Variants in INPP4A observed in about 807,000 individuals in gnomAD.
INPP4A encodes the protein inositol polyphosphate-4-phosphatase type I A, also known as inositol polyphosphate-4-phosphatase, type I, 107kD.
INPP4A carries 33 observed loss-of-function variants against 119.8 expected under a neutral mutation model. That is an observed-to-expected ratio of 0.28 (90% CI 0.21 to 0.37). The LOEUF (loss-of-function observed/expected upper bound fraction) is 0.37. INPP4A is among the 10% of genes least tolerant of loss of function. INPP4A has a pLI of 1.00. For synonymous variants in INPP4A, 496 were observed against 500.7 expected (o/e 0.99, Z 0.12); for missense variants, 956 against 1,289.9 (o/e 0.74, Z 3.97).
intron 1 of INPP4A, among the ~76,000 whole-genome samples, chr2:98,501,064 G>A (rs1211108451): frequency 1.3e-5 from 2 of 152,182 alleles, no homozygotes; most frequent in East Asian, 1.9e-4. Context: ...TCCCAGCACT[G>A]GGATATTTTT....
rs201789590 is a variant in INPP4A, at chr2:98,537,942, G to A, written c.547G>A (p.Val183Met). ...MEEKSDQRPP[V>M]TRSVDTVNGR... ...GGAGAAGTCAGACCAACGGCCCCCT[G>A]TGACCCGGTCTGTGGACACTGTCAA... The change falls in exon 8 of 25, where the codon GTG (valine) becomes ATG (methionine). Residue 183 changes from valine to methionine, a missense_variant. Transcript: ENST00000409851. 5 of 1,612,650 alleles carry A rather than the reference G, an allele frequency of 3.1e-6. No individual in the cohort carries two copies. In the East Asian group the frequency reaches 6.7e-5, roughly 22 times the overall value.
At chr2:98,582,150 A>G (rs1399691255) in intron 24 of INPP4A, among the ~76,000 whole-genome samples, 2 of 152,242 alleles carry the variant, frequency 1.3e-5, no homozygotes, top group South Asian at 2.1e-4. Context: ...ATTTGATACT[A>G]TTCTTTAAGT....
At chr2:98,565,982 T>G (rs1696355671) in intron 20 of INPP4A, 47 bp from the exon 21 acceptor site, 1 of 1,574,612 alleles carries the variant, frequency 6.4e-7, no homozygotes, top group African/African-American at 1.4e-5. Context: ...GCCTGCTCGG[T>G]GGCCCTCTGG....
At chr2:98,583,489 G>C (rs1378234737) in intron 24 of INPP4A, among the ~76,000 whole-genome samples, 1 of 152,132 alleles carries the variant, frequency 6.6e-6, no homozygotes, top group African/African-American at 2.4e-5. Flanking sequence ...GAGGGTAATT[G>C]TCCACCTGTA....
intron 1 of INPP4A, among the ~76,000 whole-genome samples, chr2:98,507,081 G>A (rs1162304072): frequency 2.0e-5 from 3 of 152,178 alleles, no homozygotes; most frequent in African/African-American, 2.4e-5. Flanking sequence ...AATGGTGGCC[G>A]CTGGCCACTG....
intron 1 of INPP4A, among the ~76,000 whole-genome samples, chr2:98,457,383 C>G (rs1696304771): frequency 6.6e-6 from 1 of 152,130 alleles, no homozygotes; most frequent in Non-Finnish European, 1.5e-5. Context: ...TATAGTGAGA[C>G]CAGCCTGTCT....
chr2:98,545,061 G>A (rs1692225480), intron 11 of INPP4A, among the ~76,000 whole-genome samples: 1 of 152,212 alleles, frequency 6.6e-6, no homozygotes, highest in African/African-American at 2.4e-5. Flanking sequence ...TGAAGTGGCA[G>A]TCTGGGATTG....
intron 16 of INPP4A, among the ~76,000 whole-genome samples, chr2:98,559,252 T>C (rs1695026433): frequency 6.6e-6 from 1 of 152,256 alleles, no homozygotes; most frequent in South Asian, 2.1e-4. Context: ...TGTCATTGTT[T>C]ACCACTGAGA....
Position 98,591,671 on chromosome 2 carries a change from T to G in INPP4A, c.*4063T>G, listed in dbSNP as rs1402604162. Reference sequence around the variant, plus strand: ...TTGGCACAATCTGGCTGCCCAGATCTAGGGGAGTTGTCCCAGGGAGGCTTT... The same window carrying G: ...TTGGCACAATCTGGCTGCCCAGATCGAGGGGAGTTGTCCCAGGGAGGCTTT... On this transcript the variant is annotated 3_prime_UTR_variant, in exon 25 of 25. Coordinates refer to ENST00000409851, the MANE Select transcript of INPP4A (RefSeq NM_001134225.2). The G allele has an allele frequency of 6.6e-6, 1 of 152,238 alleles. No homozygotes were observed. Among genetic ancestry groups the G allele is most frequent in the Admixed American group, 6.5e-5 (1 of 15,288 alleles). 9.4% of individuals were successfully genotyped at this position (152,238 alleles called of 1,614,324 possible).
intron 1 of INPP4A, among the ~76,000 whole-genome samples, chr2:98,512,517 G>A (rs1402176099): frequency 1.3e-5 from 2 of 152,208 alleles, no homozygotes; most frequent in Non-Finnish European, 2.9e-5. Context: ...CATGGTGCCC[G>A]CATCTGGTGA....
chr2:98,492,941 A>T (rs1681146903), intron 1 of INPP4A, among the ~76,000 whole-genome samples: 1 of 152,206 alleles, frequency 6.6e-6, no homozygotes, highest in Admixed American at 6.5e-5. Context: ...CTCCTACATG[A>T]CAGAGCCAGC....
chr2:98,555,411 A>T lies in INPP4A; in HGVS notation c.1567-142A>T, dbSNP rs118044235. ...CAACTTTAGTGGGGAATTAGGAATC[A>T]TCTTTATATTTCTAAACTTTGAGGT... On this transcript the variant is annotated intron_variant, in intron 15 of 24. Coordinates refer to ENST00000409851, the MANE Select transcript of INPP4A (RefSeq NM_001134225.2). 1.2e-4 allele frequency: 104 copies of T among 859,242 alleles called. No homozygotes were observed. The East Asian group carries it at 2.2e-3, about 18-fold the overall frequency. The allele number at this position is 859,242 out of a possible 1,614,324, so 53.2% of individuals were successfully genotyped here.
intron 22 of INPP4A, among the ~76,000 whole-genome samples, chr2:98,572,562 G>A (rs941850243): frequency 1.3e-5 from 2 of 152,222 alleles, no homozygotes; most frequent in South Asian, 2.1e-4. Flanking sequence ...TAGGTGATTC[G>A]GTGGCCATTC....
intron 4 of INPP4A, among the ~76,000 whole-genome samples, chr2:98,525,295 T>C (rs1687987269): frequency 6.6e-6 from 1 of 152,180 alleles, no homozygotes; most frequent in Non-Finnish European, 1.5e-5. Context: ...CTCTCCTGCC[T>C]CTTCTTCCAT....
At chr2:98,549,788 G>A (rs1693164745) in intron 13 of INPP4A, among the ~76,000 whole-genome samples, 1 of 152,154 alleles carries the variant, frequency 6.6e-6, no homozygotes, top group Non-Finnish European at 1.5e-5. Context: ...CTTCCCCCTG[G>A]GGGTCCTTTT....
At chr2:98,559,733 A>G (rs1334460976) in intron 17 of INPP4A, among the ~76,000 whole-genome samples, 1 of 152,186 alleles carries the variant, frequency 6.6e-6, no homozygotes, top group Non-Finnish European at 1.5e-5. Context: ...CTTACATTCT[A>G]AAGTCTTTAC....
intron 1 of INPP4A, among the ~76,000 whole-genome samples, chr2:98,509,966 G>C (rs906792242): frequency 2.0e-5 from 3 of 152,196 alleles, no homozygotes; most frequent in Non-Finnish European, 2.9e-5. Context: ...ATCTGAGGAA[G>C]GGCAGTCCCA....
intron 1 of INPP4A, among the ~76,000 whole-genome samples, chr2:98,453,297 A>T (rs112374252): frequency 0.01 from 1,576 of 152,344 alleles, 43 homozygotes; most frequent in African/African-American, 0.036. Context: ...AGGAGGAAAC[A>T]TGCTAGAGAA....
In INPP4A at chr2:98,552,975, AG is replaced by A; in HGVS notation, c.1347+10del. 1.9e-6 allele frequency: 3 copies of A among 1,604,008 alleles called. No homozygotes were observed. Among genetic ancestry groups the A allele is most frequent in the Non-Finnish European group, 2.6e-6 (3 of 1,174,086 alleles). On this transcript the variant is annotated splice_region_variant and intron_variant, in intron 14 of 24. Coordinates refer to ENST00000409851, the MANE Select transcript of INPP4A (RefSeq NM_001134225.2). The stretch of plus-strand genomic sequence containing the variant: ...TCGCCATCTTGGCAGACAAGGTAGG[AG>A]GGGTGCCCTGCTACATATGGGCTGG...
Sources: allele counts gnomAD v4.1 joint callset (sites outside exome capture counted in the v4.1 genomes callset), GRCh38; gene constraint gnomAD v4.1.1; transcripts MANE v1.5; gene names NCBI Gene and HGNC (gene_info 2026-07-23, HGNC 2026-07-21).